The following RANBP2 variants were observed in gnomAD, a reference collection of about 807,000 sequenced individuals.
The protein encoded by RANBP2 is E3 SUMO-protein ligase RanBP2.
In RANBP2, 57 loss-of-function variants were observed where a neutral mutation model predicts 303.6. The ratio of observed to expected loss-of-function variants is 0.19; its 90% confidence interval spans 0.15 to 0.23. The LOEUF (loss-of-function observed/expected upper bound fraction) is 0.23, where lower values mean the gene tolerates loss of function less well. Ranked by LOEUF, RANBP2 falls within the 10% of genes least tolerant of loss-of-function variation. RANBP2 has a pLI of 1.00. For synonymous variants in RANBP2, 1,167 were observed against 1,301.5 expected, an observed-to-expected ratio of 0.90 and a Z score of 2.23; for missense variants, 3,138 against 3,780.8, an observed-to-expected ratio of 0.83 and a Z score of 4.46.
At chr2:108,835,754 A>G in the RANBP2 span, among the ~76,000 whole-genome samples, 1,591 of 152,324 alleles carry the variant, frequency 0.01, 33 homozygotes, top group African/African-American at 0.034. Flanking sequence ...TTATCTTGCA[A>G]AACTAAAACT....
the RANBP2 span, among the ~76,000 whole-genome samples, chr2:109,051,305 A>G: frequency 6.6e-6 from 1 of 152,182 alleles, no homozygotes; most frequent in Non-Finnish European, 1.5e-5. Flanking sequence ...AAGAAGTCTC[A>G]CAGCTCATCC....
the RANBP2 span, among the ~76,000 whole-genome samples, chr2:108,820,996 A>G: frequency 7.4e-5 from 10 of 134,236 alleles, no homozygotes. Flanking sequence ...ATTCTTGCAT[A>G]GAATGTAACA....
At chr2:109,731,687 G>A in the RANBP2 span, among the ~76,000 whole-genome samples, 66 of 151,616 alleles carry the variant, frequency 4.4e-4, no homozygotes, top group African/African-American at 1.6e-3. Flanking sequence ...GCCACTGCGC[G>A]CGGCCACCAG....
At chr2:109,589,352 A>T in the RANBP2 span, among the ~76,000 whole-genome samples, 1 of 151,894 alleles carries the variant, frequency 6.6e-6, no homozygotes, top group East Asian at 1.9e-4. Context: ...GGCCAGCATG[A>T]CAAAACCCCA....
At chr2:108,825,231 A>G in the RANBP2 span, among the ~76,000 whole-genome samples, 693 of 151,954 alleles carry the variant, frequency 4.6e-3, 4 homozygotes, top group African/African-American at 0.016. Context: ...CAAGAGCACC[A>G]AGCAGGCCTG....
At chr2:109,211,804 A>G in the RANBP2 span, among the ~76,000 whole-genome samples, 1 of 152,004 alleles carries the variant, frequency 6.6e-6, no homozygotes. Flanking sequence ...CACCATGCCC[A>G]GCTATTTTTT....
At chr2:109,277,565 T>G in the RANBP2 span, among the ~76,000 whole-genome samples, 1 of 152,196 alleles carries the variant, frequency 6.6e-6, no homozygotes, top group South Asian at 2.1e-4. Context: ...TCCCTGAGAC[T>G]TACGTGTACA....
the RANBP2 span, chr2:108,794,767 T>A: frequency 7.0e-7 from 1 of 1,426,294 alleles, no homozygotes; most frequent in South Asian, 1.2e-5. Context: ...ATTTATGTTC[T>A]AAGAACCAAG....
chr2:109,340,391 T>A, the RANBP2 span, among the ~76,000 whole-genome samples: 1 of 152,206 alleles, frequency 6.6e-6, no homozygotes. Flanking sequence ...GCCCCAGTAC[T>A]GCTGGAACCC....
the RANBP2 span, among the ~76,000 whole-genome samples, chr2:108,905,852 C>T: frequency 0.016 from 2,329 of 147,770 alleles, 66 homozygotes; most frequent in African/African-American, 0.061. Context: ...CTCAGAAGGC[C>T]GCTGGGAGGG....
chr2:109,500,425 G>A, the RANBP2 span, among the ~76,000 whole-genome samples: 2 of 152,138 alleles, frequency 1.3e-5, no homozygotes, highest in African/African-American at 2.4e-5. Flanking sequence ...TGCAGGCGGA[G>A]GCCATGCAGG....
the RANBP2 span, among the ~76,000 whole-genome samples, chr2:109,260,263 C>T: frequency 3.4e-4 from 51 of 152,228 alleles, 1 homozygote; most frequent in Admixed American, 1.7e-3. Flanking sequence ...TGCAAACTGA[C>T]GCCTAAACCC....
At chr2:108,771,356 G>A (rs1677484028) in intron 20 of RANBP2, among the ~76,000 whole-genome samples, 1 of 151,846 alleles carries the variant, frequency 6.6e-6, no homozygotes. Flanking sequence ...GTAAACTATT[G>A]TATGCTAAGT....
chr2:109,614,585 C>G, the RANBP2 span: 3 of 1,410,764 alleles, frequency 2.1e-6, no homozygotes, highest in Admixed American at 8.7e-5. Flanking sequence ...CCCTGCACGC[C>G]GAGCTGGTGC....
At chr2:108,798,276 T>C in the RANBP2 span, 2 of 663,954 alleles carry the variant, frequency 3.0e-6, no homozygotes, top group Non-Finnish European at 5.2e-6. Flanking sequence ...GTTTACTTGC[T>C]ATACTAGTCT....
At chr2:109,277,988 A>C in the RANBP2 span, among the ~76,000 whole-genome samples, 5 of 150,088 alleles carry the variant, frequency 3.3e-5, no homozygotes, top group Non-Finnish European at 7.4e-5. Flanking sequence ...CAGCCTGGGC[A>C]ACAAGGAGAC....
intron 12 of RANBP2, among the ~76,000 whole-genome samples, chr2:108,752,196 A>G (rs970951134): frequency 1.3e-5 from 2 of 152,070 alleles, no homozygotes; most frequent in Non-Finnish European, 2.9e-5. Context: ...TGAATGTTAC[A>G]TATTAGCTGA....
At chr2:109,205,787 C>T in the RANBP2 span, among the ~76,000 whole-genome samples, 15 of 152,192 alleles carry the variant, frequency 9.9e-5, no homozygotes, top group Admixed American at 2.0e-4. Context: ...CTCCCTGAAG[C>T]AGCGGGGGGA....
chr2:108,725,015 T>C (rs1694582068), intron 1 of RANBP2, among the ~76,000 whole-genome samples: 1 of 152,126 alleles, frequency 6.6e-6, no homozygotes, highest in East Asian at 1.9e-4. Context: ...GCCACAAATA[T>C]TAAGTTTTGG....
Sources: allele counts gnomAD v4.1 joint callset (sites outside exome capture counted in the v4.1 genomes callset), GRCh38; gene constraint gnomAD v4.1.1; transcripts MANE v1.5; gene names NCBI Gene and HGNC (gene_info 2026-07-23, HGNC 2026-07-21).